DLAT: variants seen among roughly 807,000 people sequenced by gnomAD.
The protein encoded by DLAT is dihydrolipoyllysine-residue acetyltransferase component of pyruvate dehydrogenase complex, mitochondrial.
DLAT carries 43 observed loss-of-function variants against 68.0 expected under a neutral mutation model. That is an observed-to-expected ratio of 0.63 (90% CI 0.50 to 0.81). The LOEUF (loss-of-function observed/expected upper bound fraction) is 0.81. Among genes scored for constraint, DLAT ranks in the 40% least tolerant of loss-of-function variants. The pLI, the probability that DLAT is intolerant of heterozygous loss-of-function variation, is 0.00. For missense variants in DLAT, 745 were observed against 815.4 expected (o/e 0.91, Z 1.05); for synonymous variants, 265 against 288.6 (o/e 0.92, Z 0.83).
At chr11:112,033,267 G>T (rs1555180101) in intron 4 of DLAT, 137 bp from the exon 5 acceptor site, 2 of 1,007,816 alleles carry the variant, frequency 2.0e-6, no homozygotes. Flanking sequence ...AAGCTATTGA[G>T]GTGTGAAGCT....
intron 10 of DLAT, among the ~76,000 whole-genome samples, chr11:112,050,837 C>T (rs1405553437): frequency 1.3e-5 from 2 of 152,154 alleles, no homozygotes; most frequent in Non-Finnish European, 2.9e-5. Context: ...CATACTGTAA[C>T]TTATGGGATT....
At position 112,062,427 on chromosome 11, in the gene DLAT, G is replaced by GTC. The variant is rs1555183362; in HGVS notation, c.1838_1839dup (p.Val614LeufsTer37). On this transcript the variant is annotated frameshift_variant, in exon 14 of 14. Transcript: ENST00000280346. LOFTEE classifies it high-confidence loss of function. ...CTAGGTTTGATGTGGCTAGCATGAT[G>GTC]TCTGTTACACTCAGTTGTGATCACC... The GTC allele has an allele frequency of 6.2e-7, 1 of 1,612,610 alleles. No homozygotes were observed. The highest frequency in any genetic ancestry group is 8.5e-7 in the Non-Finnish European group (1 of 1,180,010).
intron 7 of DLAT, 49 bp downstream of exon 7, chr11:112,039,446 A>T: frequency 6.3e-7 from 1 of 1,593,680 alleles, no homozygotes; most frequent in Non-Finnish European, 8.6e-7. Flanking sequence ...AATTTAGTTG[A>T]ATTTCCTCCT....
chr11:112,062,269 G>T, intron 13 of DLAT, 137 bp from the exon 14 acceptor site: 3 of 921,678 alleles, frequency 3.3e-6, no homozygotes, highest in Non-Finnish European at 5.0e-6. Context: ...TTGAGCTAAA[G>T]GTATAGGAGA....
At chr11:112,028,011 T>C (rs189501807) in intron 2 of DLAT, among the ~76,000 whole-genome samples, 126 of 152,298 alleles carry the variant, frequency 8.3e-4, no homozygotes, top group African/African-American at 3.0e-3. Flanking sequence ...CCTAATTGAC[T>C]GAACATTGAC....
rs782299116 is a variant in DLAT at position 112,026,083 on chromosome 11, A to G, written c.280-115A>G. 147 of 890,408 alleles carry G rather than the reference A, an allele frequency of 1.7e-4. 2 individuals carry two copies. In the Admixed American group the frequency reaches 2.0e-3, roughly 12 times the overall value. The allele number at this position is 890,408 out of a possible 1,614,324, so 55.2% of individuals were successfully genotyped here. On this transcript the variant is annotated intron_variant, in intron 1 of 13. Transcript: ENST00000280346. ...ACTCCCTTGGCATCCCTAGTTCCCA[A>G]TGTGCAATGGAACTGTATACACTTT... is the stretch of plus-strand genomic sequence containing the variant.
intron 11 of DLAT, among the ~76,000 whole-genome samples, chr11:112,055,939 C>T (rs782135450): frequency 1.8e-4 from 23 of 130,918 alleles, no homozygotes; most frequent in Non-Finnish European, 3.3e-4. Context: ...GCTATCTCCG[C>T]TCATTGCAAC....
At chr11:112,044,557 CTTGAACA>C (rs1863210914) in intron 8 of DLAT, among the ~76,000 whole-genome samples, 1 of 152,034 alleles carries the variant, frequency 6.6e-6, no homozygotes, top group Non-Finnish European at 1.5e-5. Flanking sequence ...CATTGCTTTT[CTTGAACA>C]TAATTTTGCA....
chr11:112,046,911 C>T (rs898978169), intron 10 of DLAT, among the ~76,000 whole-genome samples: 4 of 152,066 alleles, frequency 2.6e-5, no homozygotes, highest in African/African-American at 9.7e-5. Context: ...CTATTGGGAA[C>T]AGTGCTGCAG....
Position 112,061,159 on chromosome 11 carries a change from C to G in DLAT, c.1799C>G (p.Ala600Gly). Residue 600 changes from alanine to glycine, a missense_variant, in exon 13 of 14, where the codon GCA becomes GGA. Coordinates refer to ENST00000280346, the MANE Select transcript of DLAT (RefSeq NM_001931.5). ...GCTTCAGAGGATAAACTGGTCCCTG[C>G]AGATAATGAAAAAGGGTAAGTGCCA... ...IGASEDKLVP[A>G]DNEKGFDVAS... 1 of 1,614,050 alleles carries G rather than the reference C, an allele frequency of 6.2e-7. No individual in the cohort carries two copies. The highest frequency in any genetic ancestry group is 8.5e-7 in the Non-Finnish European group (1 of 1,180,006).
At position 112,064,001 on chromosome 11, in the gene DLAT, G is replaced by C; in HGVS notation, c.*1466G>C. 1.7e-6 allele frequency: 1 copy of C among 594,046 alleles called. No homozygotes were observed. The highest frequency in any genetic ancestry group is 3.0e-5 in the East Asian group (1 of 33,630). 36.8% of individuals were successfully genotyped at this position (594,046 alleles called of 1,614,324 possible). On this transcript the variant is annotated 3_prime_UTR_variant, in exon 14 of 14. Coordinates refer to ENST00000280346, the MANE Select transcript of DLAT (RefSeq NM_001931.5). ...ATTCATTATTACATGGTACACAAGT[G>C]ACACTCCATATATTCCACACAGACT...
rs782289976 is a variant in DLAT at position 112,037,474 on chromosome 11, T to C, written c.975+14T>C. 2 of 1,613,540 alleles carry C rather than the reference T, an allele frequency of 1.2e-6. No homozygotes were observed. Among genetic ancestry groups the C allele is most frequent in the East Asian group, 2.2e-5 (1 of 44,882 alleles). On this transcript the variant is annotated intron_variant, in intron 6 of 13. Transcript: ENST00000280346. ...ACCCCACCCCCGGTAGGTATGCTTC[T>C]AGAATTCAGGAAACACTTACCTTGT...
At chr11:112,029,944 C>T (rs1862305180) in intron 4 of DLAT, 4 of 885,616 alleles carry the variant, frequency 4.5e-6, no homozygotes, top group Admixed American at 1.8e-5. Flanking sequence ...GTGATTTTTC[C>T]AAACATTACA....
chr11:112,054,337 A>G (rs1400770241), intron 11 of DLAT, among the ~76,000 whole-genome samples: 1 of 151,984 alleles, frequency 6.6e-6, no homozygotes, highest in African/African-American at 2.4e-5. Context: ...AATAATAATA[A>G]ATAAATATAA....
chr11:112,059,291 C>T (rs587609816), intron 11 of DLAT, among the ~76,000 whole-genome samples: 34 of 151,734 alleles, frequency 2.2e-4, no homozygotes, highest in African/African-American at 8.0e-4. Context: ...TCAAGGCAGA[C>T]GGCAGGGGAT....
At chr11:112,026,921 G>A (rs1555179341) in intron 2 of DLAT, among the ~76,000 whole-genome samples, 1 of 151,672 alleles carries the variant, frequency 6.6e-6, no homozygotes, top group East Asian at 2.0e-4. Context: ...CCTCCCGGGC[G>A]GGGCAGCTGG....
chr11:112,036,165 A>ATGTG lies in DLAT; in HGVS notation c.788-1107_788-1106insGTGT, dbSNP rs797041830. On this transcript the variant is annotated intron_variant, in intron 5 of 13. Transcript: ENST00000280346. Reference sequence around the variant, plus strand: ...TGTATATATATATATGTGTGTGTATATATGTGTGTGTGTGTGTGTGTGTGT... The same window carrying ATGTG: ...TGTATATATATATATGTGTGTGTATATGTGTATGTGTGTGTGTGTGTGTGTGTGT... Among the ~76,000 whole-genome samples the ATGTG allele has an allele frequency of 1.4e-3, 144 of 101,822 alleles. 1 individual carries two copies. The highest frequency in any genetic ancestry group is 6.3e-3 in the African/African-American group (137 of 21,742). 66.8% of individuals were successfully genotyped at this position (101,822 alleles called of 152,430 possible).
In DLAT at chr11:112,025,425, C is replaced by T. The variant is rs1555179066; in HGVS notation, c.-48C>T. Reference sequence around the variant, plus strand: ...GCAACGCCGCTGCTCTTGGAGAGGTCACTCCGGAGACGGCGTTGGTTTTGG... The same window carrying T: ...GCAACGCCGCTGCTCTTGGAGAGGTTACTCCGGAGACGGCGTTGGTTTTGG... On this transcript the variant is annotated 5_prime_UTR_variant, in exon 1 of 14. Transcript: ENST00000280346. 2 of 1,584,292 alleles carry T rather than the reference C, an allele frequency of 1.3e-6. No homozygotes were observed. The highest frequency in any genetic ancestry group is 1.7e-6 in the Non-Finnish European group (2 of 1,169,694).
At chr11:112,058,330 C>A (rs1193940270) in intron 11 of DLAT, among the ~76,000 whole-genome samples, 1 of 152,154 alleles carries the variant, frequency 6.6e-6, no homozygotes, top group Non-Finnish European at 1.5e-5. Context: ...ATTAATGAGT[C>A]ATACACGGTA....
Sources: allele counts gnomAD v4.1 joint callset (sites outside exome capture counted in the v4.1 genomes callset), GRCh38; gene constraint gnomAD v4.1.1; transcripts MANE v1.5; gene names NCBI Gene and HGNC (gene_info 2026-07-23, HGNC 2026-07-21).